Variants in IFT140 observed in about 807,000 individuals in gnomAD.
The protein encoded by IFT140 is intraflagellar transport 140, also known as intraflagellar transport protein 140 homolog.
IFT140 carries 133 observed loss-of-function variants against 164.6 expected under a neutral mutation model. The ratio of observed to expected loss-of-function variants is 0.81; its 90% CI spans 0.70 to 0.93. IFT140 has a LOEUF of 0.93. IFT140 is among the 40% of genes least tolerant of loss of function. IFT140 has a pLI of 0.00. For synonymous variants in IFT140, 860 were observed against 817.3 expected (o/e 1.05, Z -0.89); for missense variants, 2,045 against 1,972.3 (o/e 1.04, Z -0.70).
chr16:1,526,362 C>T, intron 20 of IFT140: 1 of 546,632 alleles, frequency 1.8e-6, no homozygotes, highest in East Asian at 3.3e-5. Flanking sequence ...GCCCTGCTGA[C>T]CTGGGGGTCT....
At position 1,550,826 on chromosome 16, in the gene IFT140, A is replaced by T. The variant is rs569889268; in HGVS notation, c.2399+7109T>A. 5.9e-5 allele frequency among the ~76,000 whole-genome samples: 9 copies of T among 152,350 alleles called. No individual in the cohort carries two copies. In the South Asian group the frequency reaches 1.9e-3, roughly 32 times the overall value. Reference sequence around the variant, plus strand: ...AGAGGAATGCCAGTTCCCCAAGGAAAGTCAAGAGCGCCCTAGCCGTCTCTG... The same window carrying T: ...AGAGGAATGCCAGTTCCCCAAGGAATGTCAAGAGCGCCCTAGCCGTCTCTG... On this transcript the variant is annotated intron_variant, in intron 19 of 30. Coordinates refer to ENST00000426508, the MANE Select transcript of IFT140 (RefSeq NM_014714.4).
At chr16:1,548,563 C>A (rs995271975) in intron 19 of IFT140, among the ~76,000 whole-genome samples, 1 of 152,230 alleles carries the variant, frequency 6.6e-6, no homozygotes, top group Non-Finnish European at 1.5e-5. Flanking sequence ...TCTAGACAAA[C>A]TGATGAACAT....
intron 7 of IFT140, among the ~76,000 whole-genome samples, chr16:1,589,051 A>G (rs1006084337): frequency 2.6e-5 from 4 of 152,160 alleles, no homozygotes; most frequent in Non-Finnish European, 1.5e-5. Flanking sequence ...ACGGTGGCCC[A>G]AGCTGGCCCC....
chr16:1,593,735 C>T (rs2035309880), intron 4 of IFT140, among the ~76,000 whole-genome samples: 1 of 152,018 alleles, frequency 6.6e-6, no homozygotes, highest in Non-Finnish European at 1.5e-5. Flanking sequence ...AGCTGAGGTG[C>T]CTTCTCTGCA....
chr16:1,565,215 G>A (rs2033645700), intron 16 of IFT140, among the ~76,000 whole-genome samples: 1 of 152,192 alleles, frequency 6.6e-6, no homozygotes, highest in Non-Finnish European at 1.5e-5. Context: ...CGGGCAGTGG[G>A]GACTAGAGGA....
chr16:1,512,920 A>G (rs1030700666), intron 30 of IFT140: 1 of 152,264 alleles, frequency 6.6e-6, no homozygotes, highest in Non-Finnish European at 1.5e-5. Context: ...CGGGCCAGGA[A>G]GTCTGTGTCT....
At chr16:1,571,775 G>C (rs1378043639) in intron 13 of IFT140, among the ~76,000 whole-genome samples, 1 of 152,178 alleles carries the variant, frequency 6.6e-6, no homozygotes, top group Admixed American at 6.5e-5. Context: ...CCTCAGGAGA[G>C]CTCTGGTGCC....
At chr16:1,525,118 G>T in intron 22 of IFT140, 113 bp downstream of exon 22, 1 of 1,165,398 alleles carries the variant, frequency 8.6e-7, no homozygotes, top group Non-Finnish European at 1.2e-6. Context: ...CCGGGAGGAC[G>T]CTGCCCACTC....
At chr16:1,545,925 G>A (rs2032133711) in intron 19 of IFT140, among the ~76,000 whole-genome samples, 1 of 152,210 alleles carries the variant, frequency 6.6e-6, no homozygotes, top group Admixed American at 6.5e-5. Context: ...GACACCCAGA[G>A]AGAGCAGCTG....
chr16:1,583,324 T>C lies in IFT140; in HGVS notation c.1422A>G (p.Ile474Met), dbSNP rs559293157. The C allele has an allele frequency of 1.3e-4, 212 of 1,614,102 alleles. 4 individuals carry two copies. In the South Asian group the frequency reaches 2.3e-3, roughly 18 times the overall value. The change falls in exon 12 of 31, where the codon ATA becomes ATG. Residue 474 changes from isoleucine to methionine, a missense_variant. Ile to Met is a conservative substitution (Grantham distance 10). Transcript: ENST00000426508. ...GTGAAAAGAACCCACCTGCACTCCG[T>C]ATCGCGGCTCCAGAAAGCTCGAAGA... is the stretch of plus-strand genomic sequence containing the variant. The part of the protein sequence containing the change: ...VAIFELSGAA[I>M]RSAGTFLCET...
At chr16:1,515,353 C>A (rs2040307105) in intron 30 of IFT140, among the ~76,000 whole-genome samples, 1 of 152,142 alleles carries the variant, frequency 6.6e-6, no homozygotes, top group South Asian at 2.1e-4. Flanking sequence ...CTTCCAGAAA[C>A]AATGGAGGCC....
In IFT140 at chr16:1,588,043, G is replaced by A. The variant is rs568239635; in HGVS notation, c.811-19C>T. 24 of 1,610,070 alleles carry A rather than the reference G, an allele frequency of 1.5e-5. No homozygotes were observed. The highest frequency in any genetic ancestry group is 9.9e-5 in the South Asian group (9 of 90,500). ...GCTTGACCTGTGTGAGGAAACAACC[G>A]AGCAGAGGCACCGTGCTTGCTGAGA... On this transcript the variant is annotated intron_variant, in intron 7 of 30. Transcript: ENST00000426508.
intron 19 of IFT140, among the ~76,000 whole-genome samples, chr16:1,552,437 A>C (rs889575733): frequency 6.6e-6 from 1 of 151,834 alleles, no homozygotes; most frequent in African/African-American, 2.4e-5. Context: ...CACCAGCACA[A>C]CCCACACCCC....
At chr16:1,527,561 C>A (rs1390976093) in intron 19 of IFT140, among the ~76,000 whole-genome samples, 1 of 152,324 alleles carries the variant, frequency 6.6e-6, no homozygotes, top group African/African-American at 2.4e-5. Flanking sequence ...GTGGAAGTCA[C>A]CCTGCCTCTT....
intron 19 of IFT140, among the ~76,000 whole-genome samples, chr16:1,556,542 G>A (rs2033097072): frequency 6.6e-6 from 1 of 152,256 alleles, no homozygotes; most frequent in Admixed American, 6.5e-5. Flanking sequence ...GCCTTCTAGC[G>A]AGTTGAGGGG....
chr16:1,564,428 G>A lies in IFT140; in HGVS notation c.1902-266C>T, dbSNP rs1024201501. ...ACGCTTTGATTCTGGAGGCCTTATG[G>A]GGGCCCAGAAGAATCCCCAAAGCAA... is the stretch of plus-strand genomic sequence containing the variant. On this transcript the variant is annotated intron_variant, in intron 16 of 30. Coordinates refer to ENST00000426508, the MANE Select transcript of IFT140 (RefSeq NM_014714.4). The surrounding 1 kb of genome is among the most constrained non-coding windows in gnomAD (Gnocchi z 5.5). Among the ~76,000 whole-genome samples the A allele has an allele frequency of 2.6e-5, 4 of 152,140 alleles. No individual in the cohort carries two copies. The highest frequency in any genetic ancestry group is 9.7e-5 in the African/African-American group (4 of 41,438).
At chr16:1,548,595 G>T (rs2032369220) in intron 19 of IFT140, among the ~76,000 whole-genome samples, 1 of 152,210 alleles carries the variant, frequency 6.6e-6, no homozygotes, top group African/African-American at 2.4e-5. Flanking sequence ...TGGGAGAAAA[G>T]TCTTCAGGAA....
intron 30 of IFT140, among the ~76,000 whole-genome samples, chr16:1,513,894 C>G (rs185564827): frequency 1.5e-4 from 21 of 141,674 alleles, no homozygotes; most frequent in African/African-American, 5.5e-4. Flanking sequence ...AAGATGGTCT[C>G]CATCTCCTGA....
rs1017085896 is a variant in IFT140 at position 1,516,205 on chromosome 16, G to A, written c.4182+2011C>T. 8.3e-5 allele frequency among the ~76,000 whole-genome samples: 11 copies of A among 132,622 alleles called. No homozygotes were observed. The South Asian group carries it at 1.5e-3, about 18-fold the overall frequency. 87.0% of individuals were successfully genotyped at this position (132,622 alleles called of 152,430 possible). ...ACCAGAAATGGATGGTAAATATGTA[G>A]GTAAATGTAAAAGACTATTTCTTTC... On this transcript the variant is annotated intron_variant, in intron 30 of 30. Transcript: ENST00000426508.
Sources: gnomAD v4.1 joint callset for allele counts (sites outside exome capture counted in the v4.1 genomes callset) on GRCh38, gnomAD v4.1.1 for gene constraint, Gnocchi (gnomAD v3.1) non-coding constraint, MANE v1.5 for transcripts, NCBI Gene and HGNC (gene_info 2026-07-23, HGNC 2026-07-21) for gene names.